Variants in DNAJB6 observed in about 807,000 individuals in gnomAD.
DNAJB6 encodes dnaJ homolog subfamily B member 6.
In DNAJB6, 16 loss-of-function variants were observed where a neutral mutation model predicts 42.7. The ratio of observed to expected loss-of-function variants is 0.37; its 90% CI spans 0.25 to 0.57. DNAJB6 has a LOEUF of 0.57. Ranked by LOEUF, DNAJB6 falls within the 20% of genes least tolerant of loss-of-function variation. The probability of loss-of-function intolerance (pLI) is 0.74; values close to 1 mark genes in which losing one functional copy is unlikely to be tolerated. For missense variants in DNAJB6, 347 were observed against 416.8 expected (o/e 0.83, Z 1.46); for synonymous variants, 170 against 163.5 (o/e 1.04, Z -0.30).
intron 1 of DNAJB6, among the ~76,000 whole-genome samples, chr7:157,353,079 T>A (rs10949642): frequency 0.45 from 66,215 of 145,958 alleles, 15,779 homozygotes; most frequent in East Asian, 0.67. Flanking sequence ...CCCTATCAAA[T>A]TTTTTTTTTT....
intron 8 of DNAJB6, among the ~76,000 whole-genome samples, chr7:157,387,880 C>A (rs994838422): frequency 6.6e-6 from 1 of 152,132 alleles, no homozygotes; most frequent in Non-Finnish European, 1.5e-5. Flanking sequence ...GAGTCTTGCT[C>A]TGTCATCCAG....
At chr7:157,391,156 G>A (rs922031685) in intron 8 of DNAJB6, among the ~76,000 whole-genome samples, 3 of 152,210 alleles carry the variant, frequency 2.0e-5, no homozygotes, top group Non-Finnish European at 4.4e-5. Flanking sequence ...TACACCAGAT[G>A]TCAGGACATT....
At chr7:157,404,835 T>C (rs1795702762) in intron 8 of DNAJB6, among the ~76,000 whole-genome samples, 1 of 152,050 alleles carries the variant, frequency 6.6e-6, no homozygotes, top group African/African-American at 2.4e-5. Flanking sequence ...TTACCCAAGC[T>C]GATCTCAAAG....
intron 1 of DNAJB6, among the ~76,000 whole-genome samples, chr7:157,345,879 T>C (rs1212746025): frequency 2.0e-5 from 3 of 152,058 alleles, no homozygotes; most frequent in Non-Finnish European, 2.9e-5. Context: ...CTTCTTTTGA[T>C]TTAGTATATT....
chr7:157,367,479 C>G lies in DNAJB6; in HGVS notation c.342C>G (p.Phe114Leu), dbSNP rs373354100. 6.3e-7 allele frequency: 1 copy of G among 1,590,504 alleles called. No homozygotes were observed. Among genetic ancestry groups the G allele is most frequent in the South Asian group, 1.1e-5 (1 of 90,620 alleles). The change falls in exon 5 of 10, where the codon TTC becomes TTG. Residue 114 changes from phenylalanine (F) to leucine (L), a missense_variant. This residue lies in a region of DNAJB6 where 264 missense variants were observed against 288.0 expected (regional missense o/e 0.92). Coordinates refer to ENST00000262177, the MANE Select transcript of DNAJB6 (RefSeq NM_058246.4). ...GAAGGGACCCATTTTCATTTGACTT[C>G]TTTGGTAAGTTAATCACGTGGGTTG... ...FGGRDPFSFDFFEDPFEDFFG... is the reference protein window; with the variant it reads ...FGGRDPFSFDLFEDPFEDFFG...
At chr7:157,390,320 C>T (rs148444891) in intron 8 of DNAJB6, among the ~76,000 whole-genome samples, 1 of 152,252 alleles carries the variant, frequency 6.6e-6, no homozygotes, top group African/African-American at 2.4e-5. Flanking sequence ...CCTGGGAGCC[C>T]TGACTAGCAA....
chr7:157,352,760 G>A (rs1211262131), intron 1 of DNAJB6, among the ~76,000 whole-genome samples: 1 of 152,150 alleles, frequency 6.6e-6, no homozygotes, highest in African/African-American at 2.4e-5. Context: ...CCCTTGGAGA[G>A]CATCATCTGT....
At chr7:157,370,431 A>G (rs1199325926) in intron 5 of DNAJB6, among the ~76,000 whole-genome samples, 1 of 152,214 alleles carries the variant, frequency 6.6e-6, no homozygotes, top group Non-Finnish European at 1.5e-5. Context: ...TTATGATTAA[A>G]CAGGTCCTTT....
chr7:157,363,714 T>G (rs188159804), intron 3 of DNAJB6, among the ~76,000 whole-genome samples: 1 of 152,310 alleles, frequency 6.6e-6, no homozygotes, highest in African/African-American at 2.4e-5. Context: ...AAAGAGGGGA[T>G]GGAACATACA....
At chr7:157,363,346 G>A in intron 3 of DNAJB6, 76 bp downstream of exon 3, 1 of 945,230 alleles carries the variant, frequency 1.1e-6, no homozygotes, top group Admixed American at 2.2e-5. Flanking sequence ...ATCCTCCTCA[G>A]GGTAGCACAG....
At chr7:157,396,955 G>A (rs778756242) in intron 8 of DNAJB6, among the ~76,000 whole-genome samples, 1 of 152,200 alleles carries the variant, frequency 6.6e-6, no homozygotes, top group African/African-American at 2.4e-5. Flanking sequence ...TCCTGAACCT[G>A]CCACGGGACG....
chr7:157,337,798 C>T (rs572467807), intron 1 of DNAJB6: 3 of 152,364 alleles, frequency 2.0e-5, no homozygotes, highest in Non-Finnish European at 2.9e-5. Context: ...TACATTAACT[C>T]TTACCTAAGG....
intron 1 of DNAJB6, among the ~76,000 whole-genome samples, chr7:157,342,450 G>C (rs1359707881): frequency 7.0e-6 from 1 of 142,136 alleles, no homozygotes; most frequent in African/African-American, 2.6e-5. Context: ...CGATTCTCCT[G>C]CCTCAGCCTC....
chr7:157,380,324 G>A (rs1022682054), intron 5 of DNAJB6: 1 of 152,146 alleles, frequency 6.6e-6, no homozygotes, highest in African/African-American at 2.4e-5. Context: ...ATTTGAATTG[G>A]ATGAAGTTTT....
At chr7:157,379,503 T>C (rs1313692430) in intron 5 of DNAJB6, 1 of 152,236 alleles carries the variant, frequency 6.6e-6, no homozygotes, top group Non-Finnish European at 1.5e-5. Flanking sequence ...CCTTTCTCAC[T>C]GTCACACTCT....
At chr7:157,351,187 G>A (rs1470436456) in intron 1 of DNAJB6, among the ~76,000 whole-genome samples, 1 of 151,952 alleles carries the variant, frequency 6.6e-6, no homozygotes, top group African/African-American at 2.4e-5. Context: ...GCCCCCCTCA[G>A]CCTGAGCCAC....
At chr7:157,369,604 A>G (rs1029685431) in intron 5 of DNAJB6, 19 of 312,036 alleles carry the variant, frequency 6.1e-5, no homozygotes, top group African/African-American at 3.3e-4. Flanking sequence ...ATTATTAAAT[A>G]GGCCCCTTCT....
At chr7:157,397,054 C>G (rs570211329) in intron 8 of DNAJB6, among the ~76,000 whole-genome samples, 78 of 152,344 alleles carry the variant, frequency 5.1e-4, no homozygotes, top group African/African-American at 1.7e-3. Context: ...CCACACCCCT[C>G]TCACCGATGT....
intron 8 of DNAJB6, among the ~76,000 whole-genome samples, chr7:157,398,041 G>C (rs1316081293): frequency 2.0e-5 from 3 of 152,204 alleles, no homozygotes; most frequent in Non-Finnish European, 4.4e-5. Flanking sequence ...TTCAGCCTTC[G>C]TACCTGCTCT....
Sources: allele counts gnomAD v4.1 joint callset (sites outside exome capture counted in the v4.1 genomes callset), GRCh38; gene constraint gnomAD v4.1.1; regional missense constraint gnomAD v4.1.1; transcripts MANE v1.5; gene names NCBI Gene and HGNC (gene_info 2026-07-23, HGNC 2026-07-21).